FANCC: variants seen among roughly 807,000 people sequenced by gnomAD.
FANCC encodes Fanconi anemia group C protein.
FANCC carries 55 observed loss-of-function variants against 71.3 expected under a neutral mutation model. The ratio of observed to expected loss-of-function variants is 0.77; its 90% CI spans 0.62 to 0.97. FANCC has a LOEUF of 0.97. FANCC is among the 50% of genes least tolerant of loss of function. The pLI, the probability that FANCC is intolerant of heterozygous loss-of-function variation, is 0.00. For synonymous variants in FANCC, 275 were observed against 244.9 expected (o/e 1.12, Z -1.15); for missense variants, 678 against 670.9 (o/e 1.01, Z -0.12).
In FANCC at chr9:95,107,109, C is replaced by G. The variant is rs762501862; in HGVS notation, c.1490G>C (p.Trp497Ser). The G allele has an allele frequency of 2.5e-6, 4 of 1,614,162 alleles. No individual in the cohort carries two copies. In the South Asian group the frequency reaches 4.4e-5, roughly 18 times the overall value. ...GGCGATCGTGTGGCCTCCAGGAGCCCAGAGCAGGAAGTTGAGGAGAAGGTG... is the reference window on the plus strand; with the variant it reads ...GGCGATCGTGTGGCCTCCAGGAGCCGAGAGCAGGAAGTTGAGGAGAAGGTG... Reference protein sequence around the residue: ...IRHLLLNFLLWAPGGHTIAWD... With the variant: ...IRHLLLNFLLSAPGGHTIAWD... Residue 497 changes from tryptophan to serine, a missense_variant, in exon 14 of 15, where the codon TGG becomes TCG. Trp to Ser is a radical substitution (Grantham distance 177). Transcript: ENST00000289081.
chr9:95,218,554 A>G (rs2135922472), intron 4 of FANCC, among the ~76,000 whole-genome samples: 1 of 152,370 alleles, frequency 6.6e-6, no homozygotes, highest in South Asian at 2.1e-4. Flanking sequence ...GAACATAGAC[A>G]TAAAAACCCT....
intron 4 of FANCC, among the ~76,000 whole-genome samples, chr9:95,195,122 C>T (rs1588261558): frequency 7.1e-6 from 1 of 141,094 alleles, no homozygotes. Flanking sequence ...CACTTGAACC[C>T]GGGAGGCAGA....
intron 4 of FANCC, among the ~76,000 whole-genome samples, chr9:95,190,363 G>C (rs1352932618): frequency 6.6e-6 from 1 of 152,118 alleles, no homozygotes; most frequent in African/African-American, 2.4e-5. Flanking sequence ...AGATTAAAAA[G>C]AAAAAAGTTC....
At position 95,308,933 on chromosome 9, in the gene FANCC, A is replaced by T. The variant is rs549309083; in HGVS notation, c.-79+8593T>A. ...TCAGGTGGGAGGATCACTTGAGTCC[A>T]GGAGGGCAAGACTGCAACGAGTTAT... On this transcript the variant is annotated intron_variant, in intron 1 of 14. Transcript: ENST00000289081. 1.5e-3 allele frequency among the ~76,000 whole-genome samples: 225 copies of T among 152,280 alleles called. 1 individual carries two copies. The highest frequency in any genetic ancestry group is 1.4e-3 in the Admixed American group (21 of 15,302).
At chr9:95,243,918 A>G (rs931310831) in intron 3 of FANCC, among the ~76,000 whole-genome samples, 2 of 152,264 alleles carry the variant, frequency 1.3e-5, no homozygotes, top group Non-Finnish European at 2.9e-5. Flanking sequence ...GTTTCATGCC[A>G]TTCAGCCACC....
At chr9:95,270,551 T>C (rs1832659645) in intron 1 of FANCC, among the ~76,000 whole-genome samples, 1 of 152,244 alleles carries the variant, frequency 6.6e-6, no homozygotes, top group Non-Finnish European at 1.5e-5. Context: ...GTGCTAAATG[T>C]GCAGTTCATA....
In FANCC at chr9:95,162,739, G is replaced by A. The variant is rs150254615; in HGVS notation, c.521+8340C>T. Among the ~76,000 whole-genome samples, 66 of 152,260 alleles carry A rather than the reference G, an allele frequency of 4.3e-4. No individual in the cohort carries two copies. In the East Asian group the frequency reaches 8.7e-3, roughly 20 times the overall value. Reference sequence around the variant, plus strand: ...ATGTTGGGCATCTTTTCATATGCTTGTTGGTCATTTGTATATATTCTTTGG... The same window carrying A: ...ATGTTGGGCATCTTTTCATATGCTTATTGGTCATTTGTATATATTCTTTGG... On this transcript the variant is annotated intron_variant, in intron 6 of 14. Coordinates refer to ENST00000289081, the MANE Select transcript of FANCC (RefSeq NM_000136.3).
At chr9:95,308,215 AT>A (rs1323733016) in intron 1 of FANCC, among the ~76,000 whole-genome samples, 1 of 151,844 alleles carries the variant, frequency 6.6e-6, no homozygotes. Context: ...TTAAAAACTT[AT>A]TTTTAAATTA....
chr9:95,120,850 A>G (rs1466909810), intron 10 of FANCC, among the ~76,000 whole-genome samples: 5 of 152,086 alleles, frequency 3.3e-5, no homozygotes, highest in African/African-American at 1.2e-4. Context: ...ATCTTTTGAC[A>G]TTGGTTTTCT....
At chr9:95,173,231 A>C (rs1436493302) in intron 4 of FANCC, among the ~76,000 whole-genome samples, 3 of 152,156 alleles carry the variant, frequency 2.0e-5, no homozygotes, top group Non-Finnish European at 4.4e-5. Flanking sequence ...GGAGGAATAG[A>C]AATAGGGTCT....
intron 4 of FANCC, among the ~76,000 whole-genome samples, chr9:95,236,955 A>G (rs1830351697): frequency 6.6e-6 from 1 of 152,222 alleles, no homozygotes; most frequent in East Asian, 1.9e-4. Context: ...CGGAGATGTG[A>G]ACTGATTTAT....
At chr9:95,281,843 A>AT (rs1833400968) in intron 1 of FANCC, among the ~76,000 whole-genome samples, 1 of 151,614 alleles carries the variant, frequency 6.6e-6, no homozygotes, top group Admixed American at 6.6e-5. Flanking sequence ...AGTGTAAAAT[A>AT]ACCTTTTATA....
chr9:95,111,233 G>A (rs2071895933), intron 13 of FANCC: 3 of 1,537,374 alleles, frequency 2.0e-6, no homozygotes, highest in Non-Finnish European at 2.6e-6. Flanking sequence ...TCGTTTTGCA[G>A]GAGAATGGGC....
chr9:95,100,641 CT>C lies in FANCC; in HGVS notation c.*1065del, dbSNP rs34302466. 1.3e-5 allele frequency: 3 copies of C among 229,594 alleles called. No homozygotes were observed. Among genetic ancestry groups the C allele is most frequent in the East Asian group, 6.2e-5 (1 of 16,110 alleles). The allele number at this position is 229,594 out of a possible 1,614,324, so 14.2% of individuals were successfully genotyped here. On this transcript the variant is annotated 3_prime_UTR_variant, in exon 15 of 15. Transcript: ENST00000289081. ...AACCTTGAGATTACACTAACAATGC[CT>C]TTTTTTAAGAGATGGTCTCGCTCTG...
intron 4 of FANCC, among the ~76,000 whole-genome samples, chr9:95,181,699 C>G (rs931458105): frequency 6.6e-6 from 1 of 152,102 alleles, no homozygotes; most frequent in African/African-American, 2.4e-5. Context: ...ATTTTATCAT[C>G]CTGACCACTG....
At chr9:95,106,825 C>T (rs1399126733) in intron 14 of FANCC, among the ~76,000 whole-genome samples, 7 of 152,250 alleles carry the variant, frequency 4.6e-5, no homozygotes, top group Admixed American at 2.6e-4. Flanking sequence ...GGCAGCAAGC[C>T]GTGGGCCCAG....
rs1386511892 is a variant in FANCC, at chr9:95,107,279, A to T, written c.1330-10T>A. The T allele has an allele frequency of 1.2e-6, 2 of 1,612,820 alleles. No homozygotes were observed. The highest frequency in any genetic ancestry group is 1.7e-6 in the Non-Finnish European group (2 of 1,179,574). ...CGGCCTTCACCTGGACCTGGGCAAT[A>T]GTATTTCACAGGGGAGAGGTTAGGA... On this transcript the variant is annotated splice_polypyrimidine_tract_variant and intron_variant, in intron 13 of 14. Coordinates refer to ENST00000289081, the MANE Select transcript of FANCC (RefSeq NM_000136.3).
chr9:95,313,722 C>T (rs1835557308), intron 1 of FANCC, among the ~76,000 whole-genome samples: 1 of 152,102 alleles, frequency 6.6e-6, no homozygotes, highest in South Asian at 2.1e-4. Context: ...CAAAATATTA[C>T]TAAGCCAAAT....
chr9:95,293,763 C>A, intron 1 of FANCC: 1 of 1,613,880 alleles, frequency 6.2e-7, no homozygotes. Context: ...TATAGCTGCT[C>A]AGACTGATGC....
Sources: gnomAD v4.1 joint callset for allele counts (sites outside exome capture counted in the v4.1 genomes callset) on GRCh38, gnomAD v4.1.1 for gene constraint, MANE v1.5 for transcripts, NCBI Gene and HGNC (gene_info 2026-07-23, HGNC 2026-07-21) for gene names.